SPTLC3: variants seen among roughly 807,000 people sequenced by gnomAD.
SPTLC3 encodes serine palmitoyltransferase 3.
Under a neutral mutation model 59.3 loss-of-function variants are expected in SPTLC3, and 36 were observed. The observed-to-expected ratio is 0.61, with a 90% CI of 0.47 to 0.80. The LOEUF (loss-of-function observed/expected upper bound fraction) is 0.80, where lower values mean the gene tolerates loss of function less well. Among genes scored for constraint, SPTLC3 ranks in the 30% least tolerant of loss-of-function variants. The pLI is 0.00. For missense variants in SPTLC3, 625 were observed against 685.1 expected (o/e 0.91, Z 0.98); for synonymous variants, 257 against 240.8 (o/e 1.07, Z -0.62).
intron 6 of SPTLC3, among the ~76,000 whole-genome samples, chr20:13,106,539 G>A (rs936132683): frequency 6.6e-6 from 1 of 152,154 alleles, no homozygotes; most frequent in Admixed American, 6.5e-5. Context: ...GGAGAATCAG[G>A]AGGCTGTGTG....
At chr20:13,069,357 C>T (rs1341270135) in intron 2 of SPTLC3, among the ~76,000 whole-genome samples, 1 of 152,076 alleles carries the variant, frequency 6.6e-6, no homozygotes, top group East Asian at 1.9e-4. Context: ...AACAGCAGTC[C>T]CCGATCTTTT....
At chr20:13,026,981 G>C (rs996941608) in intron 1 of SPTLC3, among the ~76,000 whole-genome samples, 1 of 152,076 alleles carries the variant, frequency 6.6e-6, no homozygotes, top group African/African-American at 2.4e-5. Flanking sequence ...CTCATCCTTC[G>C]GGAAAGATAA....
chr20:13,121,630 C>T (rs1395280252), intron 8 of SPTLC3, among the ~76,000 whole-genome samples: 1 of 152,122 alleles, frequency 6.6e-6, no homozygotes, highest in South Asian at 2.1e-4. Context: ...TGCAAAAGAC[C>T]AAAGCCACCT....
intron 1 of SPTLC3, among the ~76,000 whole-genome samples, chr20:13,044,858 G>A (rs978080576): frequency 5.9e-5 from 9 of 152,114 alleles, no homozygotes; most frequent in Admixed American, 3.3e-4. Flanking sequence ...TGTTATGCTC[G>A]ACAACCCAGC....
chr20:13,084,836 C>T (rs1343430196), intron 4 of SPTLC3, among the ~76,000 whole-genome samples: 2 of 152,038 alleles, frequency 1.3e-5, no homozygotes, highest in Non-Finnish European at 2.9e-5. Context: ...ACACTCATTA[C>T]ACATTATTTA....
At chr20:13,104,878 T>A (rs2208004) in intron 6 of SPTLC3, among the ~76,000 whole-genome samples, 33,326 of 152,038 alleles carry the variant, frequency 0.22, 3,723 homozygotes, top group East Asian at 0.28. Flanking sequence ...GAACTTTTTT[T>A]AACAAAACTT....
At chr20:13,079,166 AAATTCAGT>A (rs1988753522) in intron 4 of SPTLC3, among the ~76,000 whole-genome samples, 1 of 152,172 alleles carries the variant, frequency 6.6e-6, no homozygotes, top group Non-Finnish European at 1.5e-5. Context: ...TTGAAGGGGA[AAATTCAGT>A]ATTGTAATTA....
At chr20:13,015,078 G>T (rs761843111) in intron 1 of SPTLC3, among the ~76,000 whole-genome samples, 3 of 152,116 alleles carry the variant, frequency 2.0e-5, no homozygotes, top group Non-Finnish European at 4.4e-5. Flanking sequence ...CTTTATTTAT[G>T]GTGACTCTTA....
chr20:13,059,245 G>A (rs1160974604), intron 2 of SPTLC3, among the ~76,000 whole-genome samples: 7 of 152,144 alleles, frequency 4.6e-5, no homozygotes, highest in Non-Finnish European at 7.3e-5. Flanking sequence ...CTGTGTGCAG[G>A]AATGGGTAAA....
At chr20:13,155,622 C>T (rs1414467139) in intron 10 of SPTLC3, among the ~76,000 whole-genome samples, 4 of 151,990 alleles carry the variant, frequency 2.6e-5, no homozygotes, top group African/African-American at 7.3e-5. Context: ...GTCAGGAGAT[C>T]GAAACCATCC....
intron 4 of SPTLC3, among the ~76,000 whole-genome samples, chr20:13,077,691 A>G (rs1015717728): frequency 1.3e-5 from 2 of 152,228 alleles, no homozygotes; most frequent in African/African-American, 4.8e-5. Flanking sequence ...ATAGCAAGGA[A>G]TAAAAGAAAA....
chr20:13,038,641 T>C (rs1236279249), intron 1 of SPTLC3, among the ~76,000 whole-genome samples: 1 of 151,436 alleles, frequency 6.6e-6, no homozygotes, highest in African/African-American at 2.4e-5. Context: ...TTCTGTTATC[T>C]ATTTCATTAA....
chr20:13,018,380 A>G (rs749354971), intron 1 of SPTLC3, among the ~76,000 whole-genome samples: 45 of 152,304 alleles, frequency 3.0e-4, no homozygotes, highest in Non-Finnish European at 5.0e-4. Context: ...ACATTTTCAT[A>G]AGTTATAAAT....
At chr20:13,014,530 C>G (rs1245965693) in intron 1 of SPTLC3, among the ~76,000 whole-genome samples, 1 of 152,098 alleles carries the variant, frequency 6.6e-6, no homozygotes, top group African/African-American at 2.4e-5. Context: ...TGGAAAGAAC[C>G]AGGTGGGAAA....
At chr20:13,103,672 C>T (rs1388963625) in intron 6 of SPTLC3, among the ~76,000 whole-genome samples, 3 of 152,214 alleles carry the variant, frequency 2.0e-5, no homozygotes, top group Non-Finnish European at 4.4e-5. Context: ...GGCTGAGTTT[C>T]AGCCCCAATC....
intron 2 of SPTLC3, among the ~76,000 whole-genome samples, chr20:13,054,693 T>C (rs758091705): frequency 6.6e-6 from 1 of 152,182 alleles, no homozygotes; most frequent in Non-Finnish European, 1.5e-5. Flanking sequence ...GAGAAAGTAG[T>C]CAACTCATTT....
At chr20:13,046,145 G>C (rs113469510) in intron 1 of SPTLC3, among the ~76,000 whole-genome samples, 2 of 152,106 alleles carry the variant, frequency 1.3e-5, no homozygotes, top group African/African-American at 2.4e-5. Flanking sequence ...CTGTGGTACC[G>C]GAAAAAGCAC....
intron 1 of SPTLC3, among the ~76,000 whole-genome samples, chr20:13,043,936 C>T (rs1987108135): frequency 2.6e-5 from 4 of 152,040 alleles, no homozygotes; most frequent in South Asian, 4.2e-4. Context: ...TGTGAGAGTC[C>T]CCATATACAA....
At chr20:13,129,809 T>G (rs1453966459) in intron 9 of SPTLC3, among the ~76,000 whole-genome samples, 1 of 152,204 alleles carries the variant, frequency 6.6e-6, no homozygotes, top group East Asian at 1.9e-4. Context: ...TGCCATCAAT[T>G]TTTCTTCCCC....
Sources: gnomAD v4.1 joint callset for allele counts (sites outside exome capture counted in the v4.1 genomes callset) on GRCh38, gnomAD v4.1.1 for gene constraint, MANE v1.5 for transcripts, NCBI Gene and HGNC (gene_info 2026-07-23, HGNC 2026-07-21) for gene names.